Variants in GGA2 observed in about 807,000 individuals in gnomAD.
GGA2 encodes golgi associated, gamma adaptin ear containing, ARF binding protein 2.
In GGA2, 48 loss-of-function variants were observed where a neutral mutation model predicts 79.5. The ratio of observed to expected loss-of-function variants is 0.60; its 90% CI spans 0.48 to 0.77. The LOEUF (loss-of-function observed/expected upper bound fraction) is 0.77, where lower values mean the gene tolerates loss of function less well. Among genes scored for constraint, GGA2 ranks in the 30% least tolerant of loss-of-function variants. The probability of loss-of-function intolerance (pLI) is 0.00; values close to 1 mark genes in which losing one functional copy is unlikely to be tolerated. For missense variants in GGA2, 770 were observed against 774.0 expected, an observed-to-expected ratio of 0.99 and a Z score of 0.06; for synonymous variants, 317 against 302.0, an observed-to-expected ratio of 1.05 and a Z score of -0.51.
intron 9 of GGA2, 91 bp downstream of exon 9, chr16:23,482,832 C>T (rs150096173): frequency 1.2e-6 from 1 of 833,100 alleles, no homozygotes; most frequent in African/African-American, 1.7e-5. Flanking sequence ...AAAGTCCACT[C>T]TGTCTTGTTC....
In GGA2 at chr16:23,465,666, T is replaced by G. The variant is rs1964427411; in HGVS notation, c.*1924A>C. The G allele has an allele frequency of 2.2e-6, 1 of 447,822 alleles. No homozygotes were observed. The highest frequency in any genetic ancestry group is 2.0e-5 in the African/African-American group (1 of 50,560). 27.7% of individuals were successfully genotyped at this position (447,822 alleles called of 1,614,324 possible). On this transcript the variant is annotated 3_prime_UTR_variant, in exon 17 of 17. Transcript: ENST00000309859. ...CTATAAAAGCTACACAGAGGCCGGG[T>G]GCGGTGGCTCACGCCTGTAATCCCA... is the stretch of plus-strand genomic sequence containing the variant.
upstream of GGA2, among the ~76,000 whole-genome samples, chr16:23,510,721 T>C (rs893866952): frequency 1.3e-5 from 2 of 152,266 alleles, no homozygotes; most frequent in Non-Finnish European, 2.9e-5. Context: ...TTTTTATTTT[T>C]TAAGAGACGG....
intron 1 of GGA2, among the ~76,000 whole-genome samples, chr16:23,499,002 A>AG (rs1193599673): frequency 1.1e-4 from 16 of 152,110 alleles, no homozygotes; most frequent in Non-Finnish European, 1.9e-4. Context: ...GAGCAGAGGC[A>AG]GGAAGAGAAC....
At position 23,478,328 on chromosome 16, in the gene GGA2, GGA is replaced by G. The variant is rs779536673; in HGVS notation, c.1292+38_1292+39del. On this transcript the variant is annotated intron_variant, in intron 13 of 16. Transcript: ENST00000309859. ...GTCCCATGAGAAGGAACCGCACTCA[GGA>G]GCCACACTCTCCCACTCCCCTTGCC... 3.0e-5 allele frequency: 46 copies of G among 1,522,060 alleles called. No individual in the cohort carries two copies. The African/African-American group carries it at 6.2e-4, about 21-fold the overall frequency. The allele number at this position is 1,522,060 out of a possible 1,614,324, so 94.3% of individuals were successfully genotyped here.
intron 1 of GGA2, among the ~76,000 whole-genome samples, chr16:23,498,105 TC>T (rs978727436): frequency 6.6e-6 from 1 of 150,814 alleles, no homozygotes; most frequent in African/African-American, 2.4e-5. Context: ...CACGGTGAAA[TC>T]CCGTCTCTAC....
In GGA2 at chr16:23,470,176, G is replaced by A; in HGVS notation, c.1451-11C>T. ...GAGGCGGCAGGCTGCCTGGTATAAA[G>A]GGCACAAGCAGAAGGTTTAACACCA... On this transcript the variant is annotated splice_polypyrimidine_tract_variant and intron_variant, in intron 14 of 16. Transcript: ENST00000309859. 3 of 1,579,036 alleles carry A rather than the reference G, an allele frequency of 1.9e-6. No homozygotes were observed. The highest frequency in any genetic ancestry group is 2.6e-6 in the Non-Finnish European group (3 of 1,163,330).
At chr16:23,479,679 G>A in intron 11 of GGA2, 86 bp downstream of exon 11, 2 of 1,454,034 alleles carry the variant, frequency 1.4e-6, no homozygotes, top group Admixed American at 1.8e-5. Flanking sequence ...TCCCTCAGCA[G>A]CAGGCATGTG....
At position 23,467,851 on chromosome 16, in the gene GGA2, T is replaced by C. The variant is rs1964461449; in HGVS notation, c.1732-151A>G. The C allele has an allele frequency of 6.3e-6, 4 of 636,842 alleles. No homozygotes were observed. The South Asian group carries it at 7.2e-5, about 12-fold the overall frequency. The allele number at this position is 636,842 out of a possible 1,614,324, so 39.4% of individuals were successfully genotyped here. A position where few individuals can be genotyped will look rare whatever the true frequency, so the allele number is the denominator to read the frequency against. ...CTACAAACAAGGGGAAACAGGCACA[T>C]ATCCTGGGAACCCTTCGATAATTCT... On this transcript the variant is annotated intron_variant, in intron 16 of 16. Transcript: ENST00000309859.
At chr16:23,491,835 G>C in intron 4 of GGA2, 35 bp from the exon 5 acceptor site, 1 of 1,526,478 alleles carries the variant, frequency 6.6e-7, no homozygotes, top group African/African-American at 1.4e-5. Flanking sequence ...TCTAGAGCTG[G>C]AAGGGACTTG....
chr16:23,495,960 A>G (rs536606503), intron 1 of GGA2, among the ~76,000 whole-genome samples, 182 bp from the exon 2 acceptor site: 3 of 152,324 alleles, frequency 2.0e-5, no homozygotes, highest in Admixed American at 6.5e-5. Context: ...AGCATTGGGC[A>G]CATGGTATGC....
At chr16:23,524,339 G>A (rs1433794966), upstream of GGA2, 4 of 1,591,094 alleles carry the variant, frequency 2.5e-6, no homozygotes, top group Non-Finnish European at 3.5e-6. Context: ...CAGGTTCTTA[G>A]GGCGATCTCC....
Position 23,494,367 on chromosome 16 carries a change from G to C in GGA2, c.188C>G (p.Ala63Gly). 1 of 1,610,004 alleles carries C rather than the reference G, an allele frequency of 6.2e-7. No homozygotes were observed. The highest frequency in any genetic ancestry group is 8.5e-7 in the Non-Finnish European group (1 of 1,176,184). ...GATCTTGTGGGCCAGTAGCCAGGGC[G>C]CATGTGTGGGGCTACAGGGAAACAA... ...VNTDPNGPTHAPWLLAHKIQS... is the reference protein window; with the variant it reads ...VNTDPNGPTHGPWLLAHKIQS... Residue 63 changes from alanine (A) to glycine (G), a missense_variant, in exon 3 of 17, where the codon GCG becomes GGG. Coordinates refer to ENST00000309859, the MANE Select transcript of GGA2 (RefSeq NM_015044.4).
upstream of GGA2, among the ~76,000 whole-genome samples, chr16:23,511,223 G>A (rs1447417653): frequency 6.6e-6 from 1 of 151,898 alleles, no homozygotes; most frequent in Non-Finnish European, 1.5e-5. Context: ...TGCCATCTCG[G>A]CTCACTGCAA....
chr16:23,522,732 C>T (rs527645787), upstream of GGA2: 1 of 152,310 alleles, frequency 6.6e-6, no homozygotes, highest in South Asian at 2.1e-4. Flanking sequence ...TAGCTTTAAA[C>T]AATAAACGTT....
intron 6 of GGA2, among the ~76,000 whole-genome samples, chr16:23,488,337 A>G (rs1039330321): frequency 1.3e-5 from 2 of 152,092 alleles, no homozygotes; most frequent in African/African-American, 4.8e-5. Flanking sequence ...ACACTGGGGT[A>G]AGGCAGGATC....
intron 1 of GGA2, among the ~76,000 whole-genome samples, chr16:23,504,145 C>CTG (rs1964949946): frequency 6.6e-6 from 1 of 150,968 alleles, no homozygotes; most frequent in Non-Finnish European, 1.5e-5. Flanking sequence ...CAGAACAATC[C>CTG]AGGTTGGCAC....
chr16:23,485,982 C>T lies in GGA2; in HGVS notation c.798+33G>A, dbSNP rs373921632. The T allele has an allele frequency of 8.7e-6, 14 of 1,600,018 alleles. No individual in the cohort carries two copies. The African/African-American group carries it at 1.1e-4, about 12-fold the overall frequency. ...AGCATTTCAAACCCACTTTAGTAAA[C>T]ATGTGCAGCCCCCTGTGTTACACCT... On this transcript the variant is annotated intron_variant, in intron 8 of 16. Transcript: ENST00000309859.
chr16:23,476,881 T>G (rs1277487057), intron 13 of GGA2, among the ~76,000 whole-genome samples: 1 of 152,184 alleles, frequency 6.6e-6, no homozygotes, highest in Non-Finnish European at 1.5e-5. Context: ...AAACCTCTTT[T>G]CAGATGTCTT....
Position 23,510,482 on chromosome 16 carries a change from C to T in GGA2, c.-71G>A, listed in dbSNP as rs1489466185. 9.1e-6 allele frequency: 5 copies of T among 547,934 alleles called. No individual in the cohort carries two copies. In the Admixed American group the frequency reaches 1.8e-4, roughly 20 times the overall value. The allele number at this position is 547,934 out of a possible 1,614,324, so 33.9% of individuals were successfully genotyped here. A position where few individuals can be genotyped will look rare whatever the true frequency, so the allele number is the denominator to read the frequency against. On this transcript the variant is annotated 5_prime_UTR_variant, in exon 1 of 17. Transcript: ENST00000309859. Reference sequence around the variant, plus strand: ...GCCGCTGTAGCGTCCTGGCGCTCTCCTCTGCTGACTGCGCGGCAGGAGCGG... The same window carrying T: ...GCCGCTGTAGCGTCCTGGCGCTCTCTTCTGCTGACTGCGCGGCAGGAGCGG...
Sources: gnomAD v4.1 joint callset for allele counts (sites outside exome capture counted in the v4.1 genomes callset) on GRCh38, gnomAD v4.1.1 for gene constraint, MANE v1.5 for transcripts, NCBI Gene and HGNC (gene_info 2026-07-23, HGNC 2026-07-21) for gene names.